Variants in MACROH2A1 observed in about 807,000 individuals in gnomAD.
The protein encoded by MACROH2A1 is core histone macro-H2A.1.
A neutral mutation model predicts 31.6 loss-of-function variants in MACROH2A1; 2 were observed. That is an observed-to-expected ratio of 0.06 (90% CI 0.03 to 0.20). The LOEUF (loss-of-function observed/expected upper bound fraction) is 0.20, where lower values mean the gene tolerates loss of function less well. Ranked by LOEUF, MACROH2A1 falls within the 10% of genes least tolerant of loss-of-function variation. The pLI is 1.00. For synonymous variants in MACROH2A1, 169 were observed against 189.6 expected (o/e 0.89, Z 0.89); for missense variants, 230 against 474.0 (o/e 0.49, Z 4.78).
intron 6 of MACROH2A1, 22 bp downstream of exon 6, chr5:135,352,923 TG>T (rs1761751977): frequency 1.7e-6 from 2 of 1,203,342 alleles, no homozygotes; most frequent in Non-Finnish European, 2.5e-6. Flanking sequence ...CAGCTGGTGG[TG>T]CCGAACCCCG....
At chr5:135,338,055 C>T in intron 8 of MACROH2A1, 1 of 1,092,830 alleles carries the variant, frequency 9.2e-7, no homozygotes, top group Non-Finnish European at 1.1e-6. Flanking sequence ...CTCAAAATGT[C>T]TTGCTGCCAG....
At position 135,346,071 on chromosome 5, in the gene MACROH2A1, G is replaced by A. The variant is rs748616415; in HGVS notation, c.689-14C>T. The A allele has an allele frequency of 3.8e-6, 6 of 1,585,354 alleles. No individual in the cohort carries two copies. Among genetic ancestry groups the A allele is most frequent in the South Asian group, 3.3e-5 (3 of 90,452 alleles). On this transcript the variant is annotated splice_polypyrimidine_tract_variant and intron_variant, in intron 6 of 8. Transcript: ENST00000511689. Reference sequence around the variant, plus strand: ...CCAGCGTGTTTCCTAGACAAGGACAGGGTGGGGTCAGGTTGCCATTCTGTG... The same window carrying A: ...CCAGCGTGTTTCCTAGACAAGGACAAGGTGGGGTCAGGTTGCCATTCTGTG...
Position 135,352,992 on chromosome 5 carries a change from G to A in MACROH2A1, c.642C>T (p.Ala214=), listed in dbSNP as rs1221309953. 6.2e-7 allele frequency: 1 copy of A among 1,608,750 alleles called. No individual in the cohort carries two copies. The highest frequency in any genetic ancestry group is 2.2e-5 in the East Asian group (1 of 44,870). ...ISNLAGFEVE[A]IINPTNADID... ...TGTCAGCATTGGTAGGATTGATTAT[G>A]GCCTCCACCTCAAAGCCGGCTAAAT... The change falls in exon 6 of 9, where the codon GCC becomes GCT. Residue 214 remains alanine, a synonymous_variant. Transcript: ENST00000511689.
chr5:135,385,650 A>T (rs1478371076), intron 2 of MACROH2A1, among the ~76,000 whole-genome samples: 1 of 152,074 alleles, frequency 6.6e-6, no homozygotes, highest in Non-Finnish European at 1.5e-5. Flanking sequence ...CAGGCGCATC[A>T]AGACAGATAA....
chr5:135,360,442 G>T, intron 5 of MACROH2A1, 55 bp downstream of exon 5: 1 of 1,142,866 alleles, frequency 8.7e-7, no homozygotes, highest in Non-Finnish European at 1.3e-6. Context: ...GAAGTAGCCT[G>T]TGCCCACCTG....
chr5:135,335,310 G>T (rs1204318382), intron 8 of MACROH2A1, among the ~76,000 whole-genome samples, 169 bp from the exon 9 acceptor site: 4 of 152,234 alleles, frequency 2.6e-5, no homozygotes, highest in African/African-American at 7.2e-5. Context: ...CCAGTGCCCA[G>T]AAGATGGGAT....
At chr5:135,358,389 G>A in intron 5 of MACROH2A1, 1 of 985,370 alleles carries the variant, frequency 1.0e-6, no homozygotes, top group South Asian at 4.7e-5. Context: ...TGCAGCACTA[G>A]ATTTTTGGGT....
chr5:135,335,488 ACAGTGCCTGAGC>A (rs1758495772), intron 8 of MACROH2A1, among the ~76,000 whole-genome samples: 1 of 152,202 alleles, frequency 6.6e-6, no homozygotes, highest in East Asian at 1.9e-4. Flanking sequence ...TTTGACTAGC[ACAGTGCCTGAGC>A]CATAGCCCAG....
intron 2 of MACROH2A1, among the ~76,000 whole-genome samples, chr5:135,381,176 T>C (rs1765609684): frequency 6.6e-6 from 1 of 152,152 alleles, no homozygotes; most frequent in Non-Finnish European, 1.5e-5. Flanking sequence ...CCATGTGAAA[T>C]AAAATTAACT....
intron 2 of MACROH2A1, among the ~76,000 whole-genome samples, 188 bp from the exon 3 acceptor site, chr5:135,370,330 C>G (rs548836543): frequency 6.6e-6 from 1 of 152,282 alleles, no homozygotes; most frequent in South Asian, 2.1e-4. Flanking sequence ...CTAGGAAGCC[C>G]CAGGTCCAAT....
In MACROH2A1 at chr5:135,358,333, G is replaced by A. The variant is rs141548873; in HGVS notation, c.588+2164C>T. ...ACTGGTGCTTAGGCTGACTTAAGATGCTGCTTTATTTTGGAAACATGGAGT... is the reference window on the plus strand; with the variant it reads ...ACTGGTGCTTAGGCTGACTTAAGATACTGCTTTATTTTGGAAACATGGAGT... On this transcript the variant is annotated intron_variant, in intron 5 of 8. Coordinates refer to ENST00000511689, the MANE Select transcript of MACROH2A1 (RefSeq NM_138610.3). 5.1e-6 allele frequency: 5 copies of A among 985,386 alleles called. No individual in the cohort carries two copies. In the East Asian group the frequency reaches 4.5e-4, roughly 89 times the overall value. The allele number at this position is 985,386 out of a possible 1,614,324, so 61.0% of individuals were successfully genotyped here. A position where few individuals can be genotyped will look rare whatever the true frequency, so the allele number is the denominator to read the frequency against.
intron 2 of MACROH2A1, among the ~76,000 whole-genome samples, chr5:135,387,811 G>C (rs927740860): frequency 2.0e-5 from 3 of 152,146 alleles, no homozygotes; most frequent in African/African-American, 7.2e-5. Context: ...ACAGGACCAA[G>C]GACCCCTTGG....
At position 135,366,709 on chromosome 5, in the gene MACROH2A1, G is replaced by A. The variant is rs541483778; in HGVS notation, c.477+2697C>T. On this transcript the variant is annotated intron_variant, in intron 4 of 8. Transcript: ENST00000511689. ...GTGCCCTGGGGAGAAGTAGGGTGAG[G>A]GACTACAGTGGGAGCAAAATTTTTT... is the stretch of plus-strand genomic sequence containing the variant. Among the ~76,000 whole-genome samples the A allele has an allele frequency of 3.9e-5, 6 of 152,192 alleles. No individual in the cohort carries two copies. The South Asian group carries it at 1.2e-3, about 32-fold the overall frequency.
chr5:135,357,332 G>A (rs1168231601), intron 5 of MACROH2A1: 2 of 152,290 alleles, frequency 1.3e-5, no homozygotes, highest in East Asian at 3.8e-4. Context: ...GTGGGGGGAA[G>A]GGGTGAATGG....
chr5:135,363,833 C>G (rs1180619840), intron 4 of MACROH2A1, among the ~76,000 whole-genome samples: 1 of 152,204 alleles, frequency 6.6e-6, no homozygotes, highest in African/African-American at 2.4e-5. Flanking sequence ...TCTTCAGCAC[C>G]TGTTGTTTCC....
Position 135,389,099 on chromosome 5 carries a change from T to G in MACROH2A1, c.-6A>C, listed in dbSNP as rs1409346144. 6.2e-7 allele frequency: 1 copy of G among 1,611,798 alleles called. No homozygotes were observed. ...TTCCCACCGCGGCTCGACATGGCGG[T>G]GGCCCTGGAGGCGGATCAGTGAGCA... On this transcript the variant is annotated 5_prime_UTR_variant, in exon 2 of 9. Transcript: ENST00000511689.
At chr5:135,366,722 A>C (rs1395468695) in intron 4 of MACROH2A1, among the ~76,000 whole-genome samples, 1 of 152,122 alleles carries the variant, frequency 6.6e-6, no homozygotes, top group Non-Finnish European at 1.5e-5. Context: ...CTACAGTGGG[A>C]GCAAAATTTT....
chr5:135,385,252 C>T (rs1354009384), intron 2 of MACROH2A1, among the ~76,000 whole-genome samples: 1 of 152,216 alleles, frequency 6.6e-6, no homozygotes, highest in Non-Finnish European at 1.5e-5. Flanking sequence ...TTCAGTGACA[C>T]CTAAACAAGC....
Position 135,369,307 on chromosome 5 carries a change from G to C in MACROH2A1, c.477+99C>G, listed in dbSNP as rs1763897337. 1 of 939,644 alleles carries C rather than the reference G, an allele frequency of 1.1e-6. No homozygotes were observed. The highest frequency in any genetic ancestry group is 1.6e-5 in the African/African-American group (1 of 61,312). 58.2% of individuals were successfully genotyped at this position (939,644 alleles called of 1,614,324 possible). A position where few individuals can be genotyped will look rare whatever the true frequency, so the allele number is the denominator to read the frequency against. On this transcript the variant is annotated intron_variant, in intron 4 of 8. Coordinates refer to ENST00000511689, the MANE Select transcript of MACROH2A1 (RefSeq NM_138610.3). This position sits in a 1 kb window ranked among gnomAD's most constrained non-coding sequence, Gnocchi z 4.3. ...GTTCCTCCTTTATTCTCCCATCAGT[G>C]GGATGAGCCCACAGGGGGAATGAGG...
Sources: allele counts gnomAD v4.1 joint callset (sites outside exome capture counted in the v4.1 genomes callset), GRCh38; gene constraint gnomAD v4.1.1; non-coding constraint Gnocchi (gnomAD v3.1); transcripts MANE v1.5; gene names NCBI Gene and HGNC (gene_info 2026-07-23, HGNC 2026-07-21).